Variants in ORC6 observed in about 807,000 individuals in gnomAD.
The protein encoded by ORC6 is origin recognition complex, subunit 6 homolog-like (yeast).
In ORC6, 31 loss-of-function variants were observed where a neutral mutation model predicts 30.0. That is an observed-to-expected ratio of 1.03 (90% CI 0.78 to 1.40). The LOEUF (loss-of-function observed/expected upper bound fraction) is 1.40, where lower values mean the gene tolerates loss of function less well. Among genes scored for constraint, ORC6 ranks in the 40% most tolerant of loss-of-function variants. The pLI, the probability that ORC6 is intolerant of heterozygous loss-of-function variation, is 0.00. For missense variants in ORC6, 340 were observed against 304.3 expected (o/e 1.12, Z -0.87); for synonymous variants, 136 against 111.2 (o/e 1.22, Z -1.40).
At chr16:46,689,891 G>T (rs1966409514) in intron 1 of ORC6, 121 bp downstream of exon 1, 4 of 1,417,018 alleles carry the variant, frequency 2.8e-6, no homozygotes, top group Admixed American at 5.7e-5. Context: ...CGCTGGGGCC[G>T]GGCGGGGTTT....
At chr16:46,696,169 G>A (rs905252298) in intron 6 of ORC6, 84 bp downstream of exon 6, 1 of 930,686 alleles carries the variant, frequency 1.1e-6, no homozygotes, top group Admixed American at 1.7e-5. Context: ...CCTGACAGGA[G>A]TCCAGTTTTA....
chr16:46,689,928 G>A, intron 1 of ORC6, 158 bp downstream of exon 1: 1 of 1,116,214 alleles, frequency 9.0e-7, no homozygotes, highest in Non-Finnish European at 1.2e-6. Flanking sequence ...AAAACTTCTC[G>A]GCCGTGAGCT....
rs1346981656 is a variant in ORC6 at position 46,698,299 on chromosome 16, T to TA, written c.*715dup. 3.8e-5 allele frequency: 17 copies of TA among 451,544 alleles called. No individual in the cohort carries two copies. The highest frequency in any genetic ancestry group is 2.2e-4 in the African/African-American group (11 of 49,860). The allele number at this position is 451,544 out of a possible 1,614,324, so 28.0% of individuals were successfully genotyped here. A position where few individuals can be genotyped will look rare whatever the true frequency, so the allele number is the denominator to read the frequency against. ...ATAAAATTCAGTCTGAATGGCATCT[T>TA]ACAGATTTTACTTCAATTTTTGTGT... On this transcript the variant is annotated 3_prime_UTR_variant, in exon 7 of 7. Transcript: ENST00000219097.
chr16:46,690,118 G>GT (rs1218499051), intron 1 of ORC6, among the ~76,000 whole-genome samples: 2 of 152,254 alleles, frequency 1.3e-5, no homozygotes, highest in African/African-American at 4.8e-5. Context: ...CCCGCTGTCT[G>GT]TAAGGGCGAG....
chr16:46,691,968 T>A (rs2143010460), intron 2 of ORC6, among the ~76,000 whole-genome samples: 4 of 137,708 alleles, frequency 2.9e-5, no homozygotes, highest in African/African-American at 8.3e-5. Flanking sequence ...ACTCTCTCTC[T>A]CTCTCTCTCT....
chr16:46,696,058 A>G lies in ORC6; in HGVS notation c.604A>G (p.Lys202Glu), dbSNP rs1351818691. Residue 202 changes from lysine to glutamate, a missense_variant, in exon 6 of 7, where the codon AAG becomes GAG. Transcript: ENST00000219097. ...DVATPPRKRK[K>E]IVVEAPAKEM... ...AGCTACTCCACCACGGAAGAGAAAG[A>G]AGATAGTGGTTGAAGCCCCAGCAAA... 2 of 1,613,580 alleles carry G rather than the reference A, an allele frequency of 1.2e-6. No homozygotes were observed. Among genetic ancestry groups the G allele is most frequent in the South Asian group, 2.2e-5 (2 of 91,082 alleles).
rs773282554 is a variant in ORC6, at chr16:46,698,160, TATAGATAGATAGATAGATAGATGGATAG to T, written c.*598_*625del. The T allele has an allele frequency of 1.2e-4, 44 of 368,954 alleles. No homozygotes were observed. The East Asian group carries it at 3.2e-3, about 27-fold the overall frequency. The allele number at this position is 368,954 out of a possible 1,614,324, so 22.9% of individuals were successfully genotyped here. ...CCAGCCTGGGTGACAGAGCGAGACT[TATAGATAGATAGATAGATAGATGGATAG>T]ATAGATAGATAGATAGATAGATAGA... On this transcript the variant is annotated 3_prime_UTR_variant, in exon 7 of 7. Transcript: ENST00000219097.
chr16:46,691,034 G>A lies in ORC6; in HGVS notation c.109G>A (p.Gly37Ser), dbSNP rs754577337. The change falls in exon 2 of 7, where the codon GGC becomes AGC. Residue 37 changes from glycine (G) to serine (S), a missense_variant. Physicochemically the swap from Gly to Ser is moderately conservative, Grantham distance 56 (BLOSUM62 0). Transcript: ENST00000219097. ...YLRLSRVKCV[G>S]LSARTTETSS... ...GCGCCTGTCCCGGGTGAAGTGTGTCGGCCTCTCCGCACGCACCACGGAGAC... is the reference window on the plus strand; with the variant it reads ...GCGCCTGTCCCGGGTGAAGTGTGTCAGCCTCTCCGCACGCACCACGGAGAC... 1.9e-6 allele frequency: 3 copies of A among 1,614,126 alleles called. No individual in the cohort carries two copies. The highest frequency in any genetic ancestry group is 2.5e-6 in the Non-Finnish European group (3 of 1,179,982).
chr16:46,695,700 C>A, intron 5 of ORC6, 26 bp downstream of exon 5: 1 of 1,395,354 alleles, frequency 7.2e-7, no homozygotes, highest in Non-Finnish European at 1.0e-6. Context: ...TTCAAGAATG[C>A]GTCATTTGAA....
Position 46,697,385 on chromosome 16 carries a change from A to G in ORC6, c.632-73A>G, listed in dbSNP as rs1270766015. ...ATCTTTTCTATTTTAGACAATTTAA[A>G]CAAGTTTACCTTTTTTTAAATTTCA... On this transcript the variant is annotated intron_variant, in intron 6 of 6. Coordinates refer to ENST00000219097, the MANE Select transcript of ORC6 (RefSeq NM_014321.4). The G allele has an allele frequency of 3.0e-6, 4 of 1,347,418 alleles. No homozygotes were observed. In the African/African-American group the frequency reaches 5.9e-5, roughly 20 times the overall value. The allele number at this position is 1,347,418 out of a possible 1,614,324, so 83.5% of individuals were successfully genotyped here.
chr16:46,697,754 G>A lies in ORC6; in HGVS notation c.*169G>A. On this transcript the variant is annotated 3_prime_UTR_variant, in exon 7 of 7. Transcript: ENST00000219097. ...GAGGCTAAGTCTGGGCAGTGGGCTG[G>A]CCCCTGGTGTGAGCATTAGACCAGC... 1.3e-6 allele frequency: 1 copy of A among 748,342 alleles called. No homozygotes were observed. Among genetic ancestry groups the A allele is most frequent in the East Asian group, 2.7e-5 (1 of 36,552 alleles). 46.4% of individuals were successfully genotyped at this position (748,342 alleles called of 1,614,324 possible). A position where few individuals can be genotyped will look rare whatever the true frequency, so the allele number is the denominator to read the frequency against.
intron 3 of ORC6, 117 bp from the exon 4 acceptor site, chr16:46,692,976 G>C (rs902209524): frequency 5.3e-6 from 4 of 751,994 alleles, no homozygotes; most frequent in East Asian, 2.5e-5. Context: ...AAAATGACTC[G>C]TGTTAAGTGA....
intron 6 of ORC6, 27 bp downstream of exon 6, chr16:46,696,112 GT>G (rs1966515160): frequency 6.5e-7 from 1 of 1,548,398 alleles, no homozygotes; most frequent in Non-Finnish European, 8.9e-7. Context: ...CGGTACTGAC[GT>G]TGACATTTTA....
At position 46,697,579 on chromosome 16, in the gene ORC6, A is replaced by G. The variant is rs1390743469; in HGVS notation, c.753A>G (p.Ala251=). Residue 251 remains alanine (A), a synonymous_variant, in exon 7 of 7, where the codon GCA becomes GCG. Transcript: ENST00000219097. ...CTGCCAGTGCTCAAAAGGCTACAGC[A>G]GAGTGATTTCAGCTTCCAAACTGGT... ...ENAASAQKAT[A]E The G allele has an allele frequency of 6.2e-7, 1 of 1,614,144 alleles. No homozygotes were observed. Among genetic ancestry groups the G allele is most frequent in the South Asian group, 1.1e-5 (1 of 91,088 alleles).
chr16:46,697,632 C>T lies in ORC6; in HGVS notation c.*47C>T, dbSNP rs1966532848. 1 of 1,584,048 alleles carries T rather than the reference C, an allele frequency of 6.3e-7. No individual in the cohort carries two copies. Among genetic ancestry groups the T allele is most frequent in the South Asian group, 1.1e-5 (1 of 90,446 alleles). ...ACATTCCAAACTGATAGTACATTGC[C>T]ATCTCCAGGAAGACTTGACGGCTTT... is the stretch of plus-strand genomic sequence containing the variant. On this transcript the variant is annotated 3_prime_UTR_variant, in exon 7 of 7. Transcript: ENST00000219097.
At chr16:46,697,396 T>A in intron 6 of ORC6, 62 bp from the exon 7 acceptor site, 1 of 1,430,890 alleles carries the variant, frequency 7.0e-7, no homozygotes, top group South Asian at 1.2e-5. Context: ...CAAGTTTACC[T>A]TTTTTTAAAT....
chr16:46,695,747 C>A, intron 5 of ORC6, 73 bp downstream of exon 5: 1 of 997,334 alleles, frequency 1.0e-6, no homozygotes, highest in Non-Finnish European at 1.6e-6. Flanking sequence ...CAAATATTTT[C>A]AAATATGTAA....
In ORC6 at chr16:46,697,727, T is replaced by A; in HGVS notation, c.*142T>A. On this transcript the variant is annotated 3_prime_UTR_variant, in exon 7 of 7. Transcript: ENST00000219097. ...CCTTTAAATAGCAAAGCAGCCTACC[T>A]GGAGGCTAAGTCTGGGCAGTGGGCT... 3 of 931,956 alleles carry A rather than the reference T, an allele frequency of 3.2e-6. No homozygotes were observed. The highest frequency in any genetic ancestry group is 3.4e-6 in the Non-Finnish European group (2 of 584,708). The allele number at this position is 931,956 out of a possible 1,614,324, so 57.7% of individuals were successfully genotyped here.
Position 46,691,002 on chromosome 16 carries a change from A to G in ORC6, c.77A>G (p.Glu26Gly). 6.2e-7 allele frequency: 1 copy of G among 1,614,216 alleles called. No individual in the cohort carries two copies. ...GCCCTTTTAACCAGGAAAGCAGAGGAGTACTTGCGCCTGTCCCGGGTGAAG... is the reference window on the plus strand; with the variant it reads ...GCCCTTTTAACCAGGAAAGCAGAGGGGTACTTGCGCCTGTCCCGGGTGAAG... ...AEPDMLRKAE[E>G]YLRLSRVKCV... Residue 26 changes from glutamate (E) to glycine (G), a missense_variant, in exon 2 of 7, where the codon GAG (glutamate) becomes GGG (glycine). By Grantham distance (98) the Glu-to-Gly change is moderately conservative (BLOSUM62 -2). Transcript: ENST00000219097.
Sources: allele counts gnomAD v4.1 joint callset (sites outside exome capture counted in the v4.1 genomes callset), GRCh38; gene constraint gnomAD v4.1.1; transcripts MANE v1.5; gene names NCBI Gene and HGNC (gene_info 2026-07-23, HGNC 2026-07-21).